MCTP1: variants seen among roughly 807,000 people sequenced by gnomAD.
MCTP1 encodes multiple C2 and transmembrane domain-containing protein 1.
In MCTP1, 69 loss-of-function variants were observed where a neutral mutation model predicts 120.6. The ratio of observed to expected loss-of-function variants is 0.57; its 90% CI spans 0.47 to 0.70. The LOEUF (loss-of-function observed/expected upper bound fraction) is 0.70. Ranked by LOEUF, MCTP1 falls within the 30% of genes least tolerant of loss-of-function variation. MCTP1 has a pLI of 0.00. For synonymous variants in MCTP1, 529 were observed against 493.1 expected (o/e 1.07, Z -0.96); for missense variants, 1,203 against 1,248.8 (o/e 0.96, Z 0.55).
In MCTP1 at chr5:94,779,140, G is replaced by A. The variant is rs764234404; in HGVS notation, c.2580C>T (p.Asp860=). 55 of 1,613,570 alleles carry A rather than the reference G, an allele frequency of 3.4e-5. No individual in the cohort carries two copies. The highest frequency in any genetic ancestry group is 2.3e-4 in the South Asian group (21 of 91,048). The change falls in exon 19 of 23, where the codon GAC becomes GAT. Residue 860 remains aspartate, a synonymous_variant. Coordinates refer to ENST00000515393, the MANE Select transcript of MCTP1 (RefSeq NM_024717.7). ...CATCTTTGTCATCTTCTTCTTCCTC[G>A]TCCTCTAGCATGTCCTCCACTACCT... is the stretch of plus-strand genomic sequence containing the variant. ...RDTVVEDMLE[D]EEEEDDKDDK...
At chr5:94,948,967 T>G (rs1056684391) in intron 3 of MCTP1, among the ~76,000 whole-genome samples, 1 of 152,144 alleles carries the variant, frequency 6.6e-6, no homozygotes. Context: ...ACTTTAACTC[T>G]TAAGCTTGGA....
intron 2 of MCTP1, among the ~76,000 whole-genome samples, chr5:94,994,507 T>G (rs1832229631): frequency 6.6e-6 from 1 of 152,232 alleles, no homozygotes; most frequent in African/African-American, 2.4e-5. Context: ...TTTGTGGTCA[T>G]AGTTTCATTT....
At chr5:94,748,077 T>C (rs1206879328) in intron 19 of MCTP1, among the ~76,000 whole-genome samples, 1 of 152,018 alleles carries the variant, frequency 6.6e-6, no homozygotes, top group African/African-American at 2.4e-5. Context: ...GTGACAAGAG[T>C]GCAACTCTGT....
intron 1 of MCTP1, among the ~76,000 whole-genome samples, chr5:95,094,987 CTT>C (rs1259113914): frequency 4.6e-5 from 3 of 64,818 alleles, no homozygotes; most frequent in African/African-American, 1.8e-4. Context: ...GCTATTTTTT[CTT>C]TTATTTGTTA....
At chr5:94,850,052 G>T (rs1423456613) in intron 17 of MCTP1, among the ~76,000 whole-genome samples, 1 of 152,152 alleles carries the variant, frequency 6.6e-6, no homozygotes. Flanking sequence ...GACTTCAGAA[G>T]CACGGCTTTT....
intron 1 of MCTP1, among the ~76,000 whole-genome samples, chr5:95,039,008 T>C (rs1841853346): frequency 6.6e-6 from 1 of 152,124 alleles, no homozygotes; most frequent in Admixed American, 6.5e-5. Flanking sequence ...TGGTAGTTTT[T>C]TTTTTTCTCT....
intron 19 of MCTP1, among the ~76,000 whole-genome samples, chr5:94,730,185 G>A (rs531721369): frequency 6.6e-6 from 1 of 152,322 alleles, no homozygotes; most frequent in South Asian, 2.1e-4. Context: ...TTTTGAGACA[G>A]GGTCTCACTC....
At chr5:94,736,551 G>A (rs967145742) in intron 19 of MCTP1, among the ~76,000 whole-genome samples, 12 of 152,260 alleles carry the variant, frequency 7.9e-5, no homozygotes, top group African/African-American at 2.9e-4. Context: ...ATAAATAAAG[G>A]CAATGTAAAT....
chr5:95,111,630 G>T (rs1025143031), intron 1 of MCTP1, among the ~76,000 whole-genome samples: 6 of 152,086 alleles, frequency 3.9e-5, no homozygotes, highest in Admixed American at 2.0e-4. Context: ...AAGATGTTTG[G>T]TATAGACAGA....
chr5:95,213,713 A>G (rs1484977696), intron 1 of MCTP1, among the ~76,000 whole-genome samples: 1 of 151,854 alleles, frequency 6.6e-6, no homozygotes, highest in African/African-American at 2.4e-5. Context: ...AATGCCACAT[A>G]TCTACAACTA....
At chr5:95,068,742 C>T (rs1035750913) in intron 1 of MCTP1, 17 of 1,193,644 alleles carry the variant, frequency 1.4e-5, no homozygotes, top group East Asian at 1.2e-4. Flanking sequence ...AATTAAACAC[C>T]GAGCTAACAC....
chr5:94,973,291 C>T (rs1367652331), intron 2 of MCTP1, among the ~76,000 whole-genome samples: 5 of 152,138 alleles, frequency 3.3e-5, no homozygotes, highest in African/African-American at 4.8e-5. Flanking sequence ...TCCGATCAAC[C>T]GACTTGTCCC....
chr5:94,877,358 A>C (rs1174321305), intron 12 of MCTP1, among the ~76,000 whole-genome samples: 1 of 152,144 alleles, frequency 6.6e-6, no homozygotes, highest in Admixed American at 6.6e-5. Context: ...TTTATCCATA[A>C]TCTAGTTAAA....
intron 1 of MCTP1, among the ~76,000 whole-genome samples, chr5:95,104,203 A>G (rs1161108574): frequency 6.6e-6 from 1 of 152,210 alleles, no homozygotes; most frequent in African/African-American, 2.4e-5. Context: ...AGTGAAATTT[A>G]GCAACTTTTC....
chr5:94,819,453 C>T (rs1400536358), intron 17 of MCTP1, among the ~76,000 whole-genome samples: 1 of 152,018 alleles, frequency 6.6e-6, no homozygotes, highest in African/African-American at 2.4e-5. Context: ...ATTTATACTC[C>T]TTGTCTCTGA....
chr5:94,838,514 T>A (rs1790299364), intron 17 of MCTP1, among the ~76,000 whole-genome samples: 1 of 152,172 alleles, frequency 6.6e-6, no homozygotes, highest in Non-Finnish European at 1.5e-5. Flanking sequence ...CTCACTGCAC[T>A]AGAGTCAGAG....
At chr5:95,175,492 A>C (rs576380950) in intron 1 of MCTP1, among the ~76,000 whole-genome samples, 1 of 152,330 alleles carries the variant, frequency 6.6e-6, no homozygotes, top group Admixed American at 6.5e-5. Context: ...GCTGAGGAAC[A>C]ATTAGAAAAA....
chr5:94,794,551 A>G (rs1201990484), intron 18 of MCTP1, among the ~76,000 whole-genome samples: 2 of 152,268 alleles, frequency 1.3e-5, no homozygotes, highest in Non-Finnish European at 2.9e-5. Flanking sequence ...GCATAGATAC[A>G]GCCTGGGACT....
intron 1 of MCTP1, among the ~76,000 whole-genome samples, chr5:95,182,584 T>C (rs1209615555): frequency 6.6e-6 from 1 of 152,244 alleles, no homozygotes; most frequent in African/African-American, 2.4e-5. Context: ...TATGGAACAA[T>C]AGTAATATTT....
Sources: allele counts gnomAD v4.1 joint callset (sites outside exome capture counted in the v4.1 genomes callset), GRCh38; gene constraint gnomAD v4.1.1; transcripts MANE v1.5; gene names NCBI Gene and HGNC (gene_info 2026-07-23, HGNC 2026-07-21).